BCOR: variants seen among roughly 807,000 people sequenced by gnomAD.
BCOR encodes BCL6 corepressor.
In BCOR, 10 loss-of-function variants were observed where a neutral mutation model predicts 86.7. That is an observed-to-expected ratio of 0.12 (90% CI 0.07 to 0.20). The LOEUF (loss-of-function observed/expected upper bound fraction) is 0.20. Ranked by LOEUF, BCOR falls within the 10% of genes least tolerant of loss-of-function variation. BCOR has a pLI of 1.00. For synonymous variants in BCOR, 611 were observed against 609.0 expected (o/e 1.00, Z -0.05); for missense variants, 1,259 against 1,452.1 (o/e 0.87, Z 2.16).
At chrX:40,084,677 A>G (rs1367581716) in intron 1 of BCOR, among the ~76,000 whole-genome samples, 13 of 109,725 alleles carry the variant, frequency 1.2e-4, no homozygotes, top group Middle Eastern at 4.6e-3. Context: ...GCTTTGTAGG[A>G]GTAAAACACA....
chrX:40,170,628 G>A (rs1214801936), intron 1 of BCOR, among the ~76,000 whole-genome samples: 1 of 111,864 alleles, frequency 8.9e-6, no homozygotes, highest in African/African-American at 3.3e-5. Context: ...GATTACAAGC[G>A]TGAGCCACCG....
chrX:40,091,472 G>A (rs904552248), intron 1 of BCOR, among the ~76,000 whole-genome samples: 1 of 112,566 alleles, frequency 8.9e-6, no homozygotes, highest in Non-Finnish European at 1.9e-5. Flanking sequence ...AAACAATGAC[G>A]GAGTGAGGAC....
intron 1 of BCOR, among the ~76,000 whole-genome samples, chrX:40,153,829 C>T (rs1296937031): frequency 1.8e-5 from 2 of 111,928 alleles, no homozygotes; most frequent in Non-Finnish European, 3.8e-5. Flanking sequence ...GCCAGTGCCT[C>T]TGCTCTGCGT....
chrX:40,087,912 G>A (rs1241220255), intron 1 of BCOR, among the ~76,000 whole-genome samples: 1 of 112,347 alleles, frequency 8.9e-6, no homozygotes, highest in Non-Finnish European at 1.9e-5. Flanking sequence ...TTTATGGGAG[G>A]GCAGACAACG....
At chrX:40,075,407 G>C (rs951405497) in intron 3 of BCOR, among the ~76,000 whole-genome samples, 5 of 111,588 alleles carry the variant, frequency 4.5e-5, no homozygotes, top group Non-Finnish European at 9.4e-5. Flanking sequence ...TGGAAGCAGG[G>C]AAAACATTGG....
chrX:40,153,186 C>T (rs1029696620), intron 1 of BCOR, among the ~76,000 whole-genome samples: 1 of 112,939 alleles, frequency 8.9e-6, no homozygotes, highest in African/African-American at 3.2e-5. Context: ...CGCAAGTAAA[C>T]TCGCACTAGA....
intron 3 of BCOR, 63 bp downstream of exon 3, chrX:40,076,391 T>A (rs2147305472): frequency 1.1e-6 from 1 of 898,270 alleles, no homozygotes; most frequent in Non-Finnish European, 1.6e-6. Flanking sequence ...TGCAAATTAA[T>A]ACGATTGATT....
rs562615673 is a variant in BCOR, at chrX:40,064,791, T to C, written c.3239-192A>G. 3.6e-5 allele frequency among the ~76,000 whole-genome samples: 4 copies of C among 111,757 alleles called. No homozygotes were observed. The South Asian group carries it at 1.5e-3, about 42-fold the overall frequency. On this transcript the variant is annotated intron_variant, in intron 6 of 14. Transcript: ENST00000378444. ...CAGAACTTTCCAGAGGGAGGGTACA[T>C]TGAAGACGAGTGGCAAGTAAAGCAG...
intron 1 of BCOR, among the ~76,000 whole-genome samples, chrX:40,123,820 T>TGC (rs1937516346): frequency 9.2e-6 from 1 of 108,677 alleles, no homozygotes; most frequent in Non-Finnish European, 1.9e-5. Flanking sequence ...TGTGTGTGTG[T>TGC]GCACGCGCGC....
At chrX:40,101,730 CT>C (rs1308063292), upstream of BCOR, among the ~76,000 whole-genome samples, 1 of 112,585 alleles carries the variant, frequency 8.9e-6, no homozygotes, top group Admixed American at 9.3e-5. Flanking sequence ...GCCTTCTAAC[CT>C]TGTGTGCAAG....
chrX:40,131,713 T>C (rs1231428558), intron 1 of BCOR, among the ~76,000 whole-genome samples: 3 of 111,381 alleles, frequency 2.7e-5, no homozygotes, highest in African/African-American at 9.8e-5. Flanking sequence ...CCAGTAGACA[T>C]GAACAACTGC....
At chrX:40,089,202 T>C (rs1324862968) in intron 1 of BCOR, among the ~76,000 whole-genome samples, 2 of 111,461 alleles carry the variant, frequency 1.8e-5, no homozygotes, top group Non-Finnish European at 3.8e-5. Context: ...GCCTACTATG[T>C]GCCAAGCATT....
chrX:40,114,891 C>T (rs984284554), intron 1 of BCOR, among the ~76,000 whole-genome samples: 1 of 87,544 alleles, frequency 1.1e-5, no homozygotes, highest in South Asian at 6.8e-4. Flanking sequence ...CTCACTGTGT[C>T]GCCCAGGCTG....
intron 1 of BCOR, among the ~76,000 whole-genome samples, chrX:40,125,576 C>G: frequency 9.0e-6 from 1 of 111,190 alleles, no homozygotes; most frequent in East Asian, 2.8e-4. Flanking sequence ...CTCCCTCACG[C>G]CCAACCAAGT....
intron 1 of BCOR, among the ~76,000 whole-genome samples, chrX:40,173,964 G>A (rs1938686964): frequency 8.9e-6 from 1 of 112,818 alleles, no homozygotes; most frequent in African/African-American, 3.2e-5. Flanking sequence ...GACAGAATCG[G>A]TCAGACTTCT....
intron 10 of BCOR, 99 bp from the exon 11 acceptor site, chrX:40,057,420 G>C (rs764631885): frequency 3.5e-6 from 3 of 862,528 alleles, no homozygotes; most frequent in Admixed American, 5.2e-5. Flanking sequence ...CCTCAGGCCT[G>C]AGAACCTGAG....
intron 10 of BCOR, among the ~76,000 whole-genome samples, chrX:40,057,873 CA>C (rs1934676638): frequency 8.9e-6 from 1 of 111,770 alleles, no homozygotes; most frequent in South Asian, 3.8e-4. Flanking sequence ...GGAGGATGCC[CA>C]GGAGTTTAGG....
chrX:40,168,052 G>A (rs1938539556), intron 1 of BCOR, among the ~76,000 whole-genome samples: 1 of 112,638 alleles, frequency 8.9e-6, no homozygotes, highest in Non-Finnish European at 1.9e-5. Flanking sequence ...GGAGCTTGCT[G>A]GCGGCGGCGG....
At chrX:40,063,987 C>T in intron 7 of BCOR, 35 bp from the exon 8 acceptor site, 4 of 1,050,566 alleles carry the variant, frequency 3.8e-6, no homozygotes, top group Non-Finnish European at 5.2e-6. Flanking sequence ...AATCAAAAAG[C>T]CCCCCGGGGG....
Sources: allele counts gnomAD v4.1 joint callset (sites outside exome capture counted in the v4.1 genomes callset), GRCh38; gene constraint gnomAD v4.1.1; transcripts MANE v1.5; gene names NCBI Gene and HGNC (gene_info 2026-07-23, HGNC 2026-07-21).